The following HNF4A variants were observed in gnomAD, a reference collection of about 807,000 sequenced individuals.
The protein encoded by HNF4A is hepatocyte nuclear factor 4 alpha, also known as hepatocyte nuclear factor 4-alpha.
HNF4A carries 15 observed loss-of-function variants against 52.4 expected under a neutral mutation model. The observed-to-expected ratio is 0.29, with a 90% CI of 0.19 to 0.44. The LOEUF is 0.44. HNF4A is among the 20% of genes least tolerant of loss of function. The pLI, the probability that HNF4A is intolerant of heterozygous loss-of-function variation, is 1.00. For missense variants in HNF4A, 479 were observed against 647.2 expected (o/e 0.74, Z 2.82); for synonymous variants, 280 against 264.4 (o/e 1.06, Z -0.57).
chr20:44,402,888 A>G (rs2063430992), intron 1 of HNF4A, among the ~76,000 whole-genome samples: 1 of 152,210 alleles, frequency 6.6e-6, no homozygotes, highest in Admixed American at 6.5e-5. Flanking sequence ...TCAGCTCAGC[A>G]GGTGCTCACC....
At chr20:44,424,294 A>T in intron 8 of HNF4A, 40 bp downstream of exon 8, 1 of 1,608,658 alleles carries the variant, frequency 6.2e-7, no homozygotes, top group Non-Finnish European at 8.5e-7. Context: ...TGGAGTGGGG[A>T]CTCCCCAGGA....
At chr20:44,380,266 C>T (rs1256236826) in intron 1 of HNF4A, among the ~76,000 whole-genome samples, 1 of 152,152 alleles carries the variant, frequency 6.6e-6, no homozygotes, top group African/African-American at 2.4e-5. Flanking sequence ...GTATATCTTC[C>T]TTGGAGAAAT....
chr20:44,397,552 G>A (rs537634605), upstream of HNF4A, among the ~76,000 whole-genome samples: 12 of 152,024 alleles, frequency 7.9e-5, no homozygotes, highest in Non-Finnish European at 1.5e-4. Context: ...TGTGCTATAA[G>A]AACTAGATCT....
chr20:44,378,530 A>G (rs1342611116), intron 1 of HNF4A, among the ~76,000 whole-genome samples: 1 of 152,102 alleles, frequency 6.6e-6, no homozygotes, highest in African/African-American at 2.4e-5. Flanking sequence ...AGCCTCCCAA[A>G]GTGCTGGGAT....
At position 44,358,614 on chromosome 20, in the gene HNF4A, A is replaced by C. The variant is rs111482367; in HGVS notation, c.49+2761A>C. Reference sequence around the variant, plus strand: ...CAGCAGAACAAGACTCTATCTCAAAAAAAACAAAACAAAACAAAAAAACAA... The same window carrying C: ...CAGCAGAACAAGACTCTATCTCAAACAAAACAAAACAAAACAAAAAAACAA... On this transcript the variant is annotated intron_variant, in intron 1 of 9. Transcript: ENST00000316673. Among the ~76,000 whole-genome samples, 1,065 of 146,586 alleles carry C rather than the reference A, an allele frequency of 7.3e-3. 20 individuals are homozygous for C. Among genetic ancestry groups the C allele is most frequent in the African/African-American group, 0.025 (1,029 of 41,162 alleles).
At chr20:44,386,256 C>A (rs1045767041) in intron 1 of HNF4A, among the ~76,000 whole-genome samples, 1 of 150,438 alleles carries the variant, frequency 6.6e-6, no homozygotes, top group Admixed American at 6.7e-5. Flanking sequence ...CAACCTCTGC[C>A]TCATGGGTTT....
chr20:44,381,611 C>G (rs2063154904), intron 1 of HNF4A, among the ~76,000 whole-genome samples: 1 of 151,840 alleles, frequency 6.6e-6, no homozygotes, highest in Admixed American at 6.6e-5. Context: ...AAGGAAAGTA[C>G]TTTGTTGCCT....
chr20:44,380,941 G>A (rs1390320639), intron 1 of HNF4A, among the ~76,000 whole-genome samples: 1 of 152,154 alleles, frequency 6.6e-6, no homozygotes, highest in Admixed American at 6.6e-5. Context: ...TGTAAGGAAA[G>A]AGTCTGATTT....
At chr20:44,433,624 T>G (rs2063900487), downstream of HNF4A, 1 of 152,314 alleles carries the variant, frequency 6.6e-6, no homozygotes, top group Non-Finnish European at 1.5e-5. Context: ...GAGGATGCAG[T>G]GAGCTATGAA....
intron 1 of HNF4A, among the ~76,000 whole-genome samples, chr20:44,393,001 C>A (rs1408763418): frequency 6.6e-6 from 1 of 152,222 alleles, no homozygotes; most frequent in Non-Finnish European, 1.5e-5. Context: ...TGATCTGAGC[C>A]TCAGGACTTC....
chr20:44,370,450 C>T (rs2063022647), intron 1 of HNF4A, among the ~76,000 whole-genome samples: 2 of 152,340 alleles, frequency 1.3e-5, no homozygotes, highest in South Asian at 4.1e-4. Flanking sequence ...GATTTCTTCT[C>T]ATTGTCAGGG....
chr20:44,427,054 G>A (rs547170178), intron 8 of HNF4A, among the ~76,000 whole-genome samples: 4 of 152,322 alleles, frequency 2.6e-5, no homozygotes, highest in Admixed American at 6.5e-5. Context: ...ACAATTCTTT[G>A]TTGTGTGGGG....
chr20:44,387,771 A>G (rs1213534930), intron 1 of HNF4A, among the ~76,000 whole-genome samples: 2 of 150,730 alleles, frequency 1.3e-5, no homozygotes, highest in Non-Finnish European at 2.9e-5. Flanking sequence ...ACCTCCAGAG[A>G]TGATGCATAA....
At chr20:44,400,573 C>T (rs2063394452), upstream of HNF4A, among the ~76,000 whole-genome samples, 1 of 151,984 alleles carries the variant, frequency 6.6e-6, no homozygotes, top group African/African-American at 2.4e-5. Context: ...GTGAGGGAAA[C>T]AGGAGAATGT....
intron 3 of HNF4A, among the ~76,000 whole-genome samples, chr20:44,409,267 G>C (rs2063547328): frequency 6.6e-6 from 1 of 152,186 alleles, no homozygotes; most frequent in African/African-American, 2.4e-5. Context: ...TTTTCAATGG[G>C]GTTAAGCCTG....
intron 1 of HNF4A, among the ~76,000 whole-genome samples, chr20:44,370,837 C>T (rs2146204411): frequency 6.6e-6 from 1 of 152,362 alleles, no homozygotes; most frequent in South Asian, 2.1e-4. Flanking sequence ...AGACCTCTCT[C>T]TCCCCAGACA....
At chr20:44,367,078 G>A (rs2062977137) in intron 1 of HNF4A, among the ~76,000 whole-genome samples, 1 of 152,154 alleles carries the variant, frequency 6.6e-6, no homozygotes, top group South Asian at 2.1e-4. Flanking sequence ...GCTCACGCCT[G>A]TAATCCCAAC....
chr20:44,428,355 C>A lies in HNF4A; in HGVS notation c.1150C>A (p.His384Asn). Residue 384 changes from histidine (H) to asparagine (N), a missense_variant, in exon 9 of 10, where the codon CAT becomes AAT. By Grantham distance (68) the His-to-Asn change is moderately conservative. Transcript: ENST00000316099. ...TGCAGGGTCCCCCAGCGATGCACCC[C>A]ATGCCCACCACCCCCTGCACCCTCA... The A allele has an allele frequency of 6.2e-7, 1 of 1,614,168 alleles. No homozygotes were observed.
At chr20:44,397,392 T>C (rs1004887484), upstream of HNF4A, among the ~76,000 whole-genome samples, 1 of 152,222 alleles carries the variant, frequency 6.6e-6, no homozygotes, top group Non-Finnish European at 1.5e-5. Flanking sequence ...ATGGAGCACA[T>C]GTATTTTGAT....
Sources: allele counts gnomAD v4.1 joint callset (sites outside exome capture counted in the v4.1 genomes callset), GRCh38; gene constraint gnomAD v4.1.1; transcripts MANE v1.5; gene names NCBI Gene and HGNC (gene_info 2026-07-23, HGNC 2026-07-21).